The following MYH15 variants were observed in gnomAD, a reference collection of about 807,000 sequenced individuals.
MYH15 encodes myosin-15.
Under a neutral mutation model 240.5 loss-of-function variants are expected in MYH15, and 227 were observed. The observed-to-expected ratio is 0.94, with a 90% CI of 0.85 to 1.05. MYH15 has a LOEUF of 1.05. Among genes scored for constraint, MYH15 ranks in the 50% least tolerant of loss-of-function variants. The probability of loss-of-function intolerance (pLI) is 0.00; values close to 1 mark genes in which losing one functional copy is unlikely to be tolerated. For synonymous variants in MYH15, 785 were observed against 796.7 expected (o/e 0.99, Z 0.25); for missense variants, 2,217 against 2,247.5 (o/e 0.99, Z 0.27).
At chr3:108,440,877 G>T (rs1560368045) in intron 23 of MYH15, 141 bp downstream of exon 23, 2 of 960,762 alleles carry the variant, frequency 2.1e-6, no homozygotes, top group Non-Finnish European at 3.2e-6. Context: ...TATATTTTGT[G>T]CCAGTTCTGA....
chr3:108,487,429 A>C (rs911733464), intron 9 of MYH15, among the ~76,000 whole-genome samples: 2 of 152,244 alleles, frequency 1.3e-5, no homozygotes, highest in Non-Finnish European at 2.9e-5. Flanking sequence ...CATACAGTGG[A>C]TTATTATTCA....
At chr3:108,481,793 C>T (rs2083269979) in intron 11 of MYH15, among the ~76,000 whole-genome samples, 1 of 152,086 alleles carries the variant, frequency 6.6e-6, no homozygotes, top group South Asian at 2.1e-4. Flanking sequence ...GCGGTTTTTG[C>T]TGTTAAAAGT....
chr3:108,433,003 C>T (rs2082793022), intron 25 of MYH15, among the ~76,000 whole-genome samples: 1 of 152,138 alleles, frequency 6.6e-6, no homozygotes, highest in Non-Finnish European at 1.5e-5. Flanking sequence ...CTCCAGATAC[C>T]AGAATGGTAG....
At chr3:108,548,004 T>C in the MYH15 span, among the ~76,000 whole-genome samples, 8 of 152,162 alleles carry the variant, frequency 5.3e-5, no homozygotes, top group Admixed American at 2.0e-4. Context: ...AGTCTTTCCA[T>C]GTAATTGCTT....
rs1225267690 is a variant in MYH15 at position 108,493,143 on chromosome 3, C to T, written c.746G>A (p.Gly249Asp). ...ATCAATGTCCACAGATGACAGCATG[C>T]CTCTGGCACCAAAGTGCATCCTGAT... The part of the protein sequence containing the change: ...KFIRMHFGAR[G>D]MLSSVDIDIY... Residue 249 changes from glycine to aspartate, a missense_variant, in exon 8 of 41, where the codon GGC becomes GAC. Gly to Asp is a moderately conservative substitution (Grantham distance 94, BLOSUM62 -1). Coordinates refer to ENST00000693548, the MANE Select transcript of MYH15 (RefSeq NM_014981.3). 1.2e-6 allele frequency: 2 copies of T among 1,614,006 alleles called. No homozygotes were observed. The highest frequency in any genetic ancestry group is 2.2e-5 in the East Asian group (1 of 44,898).
At chr3:108,500,830 T>A (rs1378186521) in intron 3 of MYH15, among the ~76,000 whole-genome samples, 15 of 152,178 alleles carry the variant, frequency 9.9e-5, no homozygotes, top group Non-Finnish European at 7.3e-5. Flanking sequence ...GGGTCTTGAA[T>A]CCAATAACTT....
At chr3:108,514,564 T>C (rs894790753), upstream of MYH15, among the ~76,000 whole-genome samples, 1 of 152,150 alleles carries the variant, frequency 6.6e-6, no homozygotes, top group Non-Finnish European at 1.5e-5. Context: ...TGAATAGGGA[T>C]AGAAGTTTCT....
At chr3:108,417,494 A>G (rs1324845139) in intron 28 of MYH15, among the ~76,000 whole-genome samples, 2 of 152,212 alleles carry the variant, frequency 1.3e-5, no homozygotes, top group Non-Finnish European at 2.9e-5. Flanking sequence ...AGATAACAAT[A>G]AGATTCTTAA....
chr3:108,410,887 C>T lies in MYH15; in HGVS notation c.4191G>A (p.Gly1397=). 3 of 1,608,748 alleles carry T rather than the reference C, an allele frequency of 1.9e-6. No individual in the cohort carries two copies. The highest frequency in any genetic ancestry group is 4.5e-5 in the East Asian group (2 of 44,700). Residue 1397 remains glycine (G), a synonymous_variant, in exon 31 of 41, where the codon GGG becomes GGA. Coordinates refer to ENST00000693548, the MANE Select transcript of MYH15 (RefSeq NM_014981.3). ...AGGAGGCATTTCTGGCATTGGCCAC[C>T]CCCATGGCTTCGGCTGCCTCCTGCA... The part of the protein sequence containing the change: ...IRLQEAAEAM[G]VANARNASLE...
At chr3:108,456,909 G>T in intron 18 of MYH15, 26 bp from the exon 19 acceptor site, 2 of 1,515,310 alleles carry the variant, frequency 1.3e-6, no homozygotes, top group South Asian at 2.3e-5. Flanking sequence ...AGTCATGGTG[G>T]ATCTGTGCCT....
the MYH15 span, among the ~76,000 whole-genome samples, chr3:108,542,705 C>A: frequency 2.0e-5 from 3 of 152,112 alleles, no homozygotes; most frequent in Non-Finnish European, 4.4e-5. Flanking sequence ...TCTTGCCCCC[C>A]ACTCCTCCCC....
chr3:108,485,374 T>C, intron 10 of MYH15, 145 bp from the exon 11 acceptor site: 1 of 859,276 alleles, frequency 1.2e-6, no homozygotes, highest in Non-Finnish European at 1.8e-6. Flanking sequence ...ATCAGCCCTG[T>C]TGGCACTTGG....
At chr3:108,537,532 A>T in the MYH15 span, among the ~76,000 whole-genome samples, 4 of 152,272 alleles carry the variant, frequency 2.6e-5, no homozygotes, top group South Asian at 6.2e-4. Context: ...GGCTAGAGGG[A>T]ACTAGCTAGA....
intron 6 of MYH15, among the ~76,000 whole-genome samples, chr3:108,497,156 G>A (rs1244263366): frequency 3.3e-5 from 1 of 30,500 alleles, no homozygotes; most frequent in Non-Finnish European, 5.1e-5. Flanking sequence ...GCGAGACTCC[G>A]TAAAAAAAAA....
Position 108,414,292 on chromosome 3 carries a change from T to G in MYH15, c.4085A>C (p.Gln1362Pro), listed in dbSNP as rs891502172. The G allele has an allele frequency of 3.7e-6, 6 of 1,614,074 alleles. No individual in the cohort carries two copies. The highest frequency in any genetic ancestry group is 4.2e-6 in the Non-Finnish European group (5 of 1,180,018). ...ATTGTTTTCATACTTCATTCTCCAT[T>G]GCACCATTTCAGCATTGACTTTGGA... Reference protein sequence around the residue: ...TLSKVNAEMVQWRMKYENNVI... With the variant: ...TLSKVNAEMVPWRMKYENNVI... Residue 1362 changes from glutamine to proline, a missense_variant, in exon 30 of 41, where the codon CAA becomes CCA. Coordinates refer to ENST00000693548, the MANE Select transcript of MYH15 (RefSeq NM_014981.3).
At chr3:108,479,484 GT>G (rs1421530208) in intron 11 of MYH15, among the ~76,000 whole-genome samples, 1 of 152,226 alleles carries the variant, frequency 6.6e-6, no homozygotes, top group Non-Finnish European at 1.5e-5. Flanking sequence ...TGAGAACAAA[GT>G]TGTTATTGTG....
rs769402917 is a variant in MYH15, at chr3:108,498,158, A to T, written c.525-13T>A. ...ACCAGATTCTCCTCTGTGATTTGAAATTCAGTGATACAGTTAACTGGTTCT... is the reference window on the plus strand; with the variant it reads ...ACCAGATTCTCCTCTGTGATTTGAATTTCAGTGATACAGTTAACTGGTTCT... On this transcript the variant is annotated splice_polypyrimidine_tract_variant and intron_variant, in intron 5 of 40. Coordinates refer to ENST00000693548, the MANE Select transcript of MYH15 (RefSeq NM_014981.3). 1 of 1,609,930 alleles carries T rather than the reference A, an allele frequency of 6.2e-7. No homozygotes were observed. Among genetic ancestry groups the T allele is most frequent in the Non-Finnish European group, 8.5e-7 (1 of 1,176,224 alleles).
intron 33 of MYH15, among the ~76,000 whole-genome samples, chr3:108,404,033 T>C (rs181901965): frequency 2.0e-3 from 299 of 152,152 alleles, no homozygotes; most frequent in Non-Finnish European, 2.7e-3. Context: ...TTTTATTCCT[T>C]GTGGAAAGAA....
At chr3:108,521,142 T>C (rs2083615259) in intron 1 of MYH15, among the ~76,000 whole-genome samples, 1 of 152,096 alleles carries the variant, frequency 6.6e-6, no homozygotes, top group African/African-American at 2.4e-5. Flanking sequence ...AAAAGTGTAA[T>C]TTTTAAAAGT....
Sources: allele counts gnomAD v4.1 joint callset (sites outside exome capture counted in the v4.1 genomes callset), GRCh38; gene constraint gnomAD v4.1.1; transcripts MANE v1.5; gene names NCBI Gene and HGNC (gene_info 2026-07-23, HGNC 2026-07-21).